The following EMCN variants were observed in gnomAD, a reference collection of about 807,000 sequenced individuals.
The protein encoded by EMCN is MUC-14.
Under a neutral mutation model 38.4 loss-of-function variants are expected in EMCN, and 37 were observed. The ratio of observed to expected loss-of-function variants is 0.96; its 90% CI spans 0.74 to 1.27. The LOEUF (loss-of-function observed/expected upper bound fraction) is 1.27, where lower values mean the gene tolerates loss of function less well. Among genes scored for constraint, EMCN ranks in the 50% most tolerant of loss-of-function variants. The pLI, the probability that EMCN is intolerant of heterozygous loss-of-function variation, is 0.00. For synonymous variants in EMCN, 95 were observed against 100.8 expected, an observed-to-expected ratio of 0.94 and a Z score of 0.35; for missense variants, 318 against 302.8, an observed-to-expected ratio of 1.05 and a Z score of -0.37.
intron 11 of EMCN, among the ~76,000 whole-genome samples, chr4:100,399,987 A>G (rs1234622466): frequency 6.6e-6 from 1 of 152,178 alleles, no homozygotes; most frequent in East Asian, 1.9e-4. Flanking sequence ...TGATGTCATT[A>G]GTGAATGAAG....
chr4:100,463,215 C>T (rs932888962), intron 4 of EMCN, among the ~76,000 whole-genome samples: 2 of 152,108 alleles, frequency 1.3e-5, no homozygotes. Context: ...CTCGCACAAA[C>T]ATTTTAATTT....
chr4:100,429,485 T>C (rs1727140393), intron 5 of EMCN, among the ~76,000 whole-genome samples: 1 of 152,128 alleles, frequency 6.6e-6, no homozygotes, highest in Admixed American at 6.6e-5. Flanking sequence ...ATGATGCAAA[T>C]TAATTCCCGC....
At chr4:100,461,073 C>T (rs1289136818) in intron 4 of EMCN, among the ~76,000 whole-genome samples, 2 of 152,170 alleles carry the variant, frequency 1.3e-5, no homozygotes, top group African/African-American at 4.8e-5. Context: ...GCTCTAATGG[C>T]ATGTGCTATC....
At chr4:100,454,481 G>T (rs1727954185) in intron 4 of EMCN, among the ~76,000 whole-genome samples, 1 of 152,108 alleles carries the variant, frequency 6.6e-6, no homozygotes, top group Non-Finnish European at 1.5e-5. Context: ...GGTCTGTGAT[G>T]AGTTAAATGG....
chr4:100,429,130 C>T (rs1400045683), intron 5 of EMCN, among the ~76,000 whole-genome samples: 1 of 152,026 alleles, frequency 6.6e-6, no homozygotes, highest in Non-Finnish European at 1.5e-5. Flanking sequence ...GAGTTAATAT[C>T]GGACATAAAC....
intron 1 of EMCN, among the ~76,000 whole-genome samples, chr4:100,482,566 A>G (rs1356169680): frequency 6.6e-6 from 1 of 152,132 alleles, no homozygotes; most frequent in Non-Finnish European, 1.5e-5. Context: ...AAGGTATTTC[A>G]GAGTACTGCA....
chr4:100,454,060 T>A lies in EMCN; in HGVS notation c.377-6489A>T, dbSNP rs541596034. ...AGGGGAGAGGGATAGCATTGGGAGA[T>A]ATACCTAATGCTAAATGACGAGTTA... On this transcript the variant is annotated intron_variant, in intron 4 of 11. Coordinates refer to ENST00000296420, the MANE Select transcript of EMCN (RefSeq NM_016242.4). Among the ~76,000 whole-genome samples the A allele has an allele frequency of 6.2e-3, 933 of 150,682 alleles. 12 individuals are homozygous for A. Among genetic ancestry groups the A allele is most frequent in the African/African-American group, 0.021 (860 of 41,046 alleles).
chr4:100,475,138 AT>A, intron 2 of EMCN, 29 bp from the exon 3 acceptor site: 2 of 1,131,184 alleles, frequency 1.8e-6, no homozygotes, highest in Non-Finnish European at 1.3e-6. Context: ...TTAAATTATT[AT>A]TAATCATAAT....
At chr4:100,436,569 C>A (rs1727358311) in intron 5 of EMCN, among the ~76,000 whole-genome samples, 1 of 152,110 alleles carries the variant, frequency 6.6e-6, no homozygotes, top group Non-Finnish European at 1.5e-5. Flanking sequence ...TGCATATGTT[C>A]ATTGCAGCAC....
intron 4 of EMCN, among the ~76,000 whole-genome samples, chr4:100,450,587 C>T (rs1054925927): frequency 6.6e-6 from 1 of 151,860 alleles, no homozygotes; most frequent in Non-Finnish European, 1.5e-5. Flanking sequence ...CAATTCAAAT[C>T]CTCTTCATCC....
intron 1 of EMCN, among the ~76,000 whole-genome samples, chr4:100,502,090 T>G (rs560914222): frequency 6.6e-6 from 1 of 152,334 alleles, no homozygotes; most frequent in East Asian, 1.9e-4. Context: ...CATGGCAGGA[T>G]GCAGTGGGCT....
chr4:100,472,663 T>G (rs945773854), intron 3 of EMCN, among the ~76,000 whole-genome samples: 3 of 152,052 alleles, frequency 2.0e-5, no homozygotes, highest in African/African-American at 4.8e-5. Flanking sequence ...TAAAGTTGAA[T>G]AGCCAAAACA....
At chr4:100,439,480 T>C (rs944644431) in intron 5 of EMCN, among the ~76,000 whole-genome samples, 2 of 151,804 alleles carry the variant, frequency 1.3e-5, no homozygotes, top group African/African-American at 4.8e-5. Context: ...CTGAGGTGTT[T>C]CATTTTTTTC....
intron 10 of EMCN, among the ~76,000 whole-genome samples, chr4:100,413,909 A>G (rs948439042): frequency 6.6e-5 from 10 of 152,242 alleles, no homozygotes; most frequent in African/African-American, 1.9e-4. Context: ...CTAGTCTGCC[A>G]TCGTCTATTC....
chr4:100,473,920 A>G (rs1169918446), intron 3 of EMCN: 3 of 153,120 alleles, frequency 2.0e-5, no homozygotes, highest in Non-Finnish European at 4.4e-5. Flanking sequence ...ACTGGCAACA[A>G]CTAGCTCAGT....
chr4:100,442,763 T>C, intron 5 of EMCN, among the ~76,000 whole-genome samples: 1 of 152,318 alleles, frequency 6.6e-6, no homozygotes, highest in South Asian at 2.1e-4. Context: ...AATTATATAA[T>C]GAATTGTTTT....
chr4:100,427,112 T>A (rs1727068991), intron 5 of EMCN, among the ~76,000 whole-genome samples: 1 of 152,058 alleles, frequency 6.6e-6, no homozygotes, highest in African/African-American at 2.4e-5. Context: ...ATGTCCCATT[T>A]AAAAAAATAA....
intron 5 of EMCN, among the ~76,000 whole-genome samples, chr4:100,431,965 G>A (rs357652): frequency 0.41 from 61,724 of 151,978 alleles, 15,133 homozygotes; most frequent in Non-Finnish European, 0.57. Flanking sequence ...GCTCAGGGCT[G>A]AGATCTCTTA....
At chr4:100,468,616 T>TAGTA (rs1448626687) in intron 3 of EMCN, among the ~76,000 whole-genome samples, 2 of 152,108 alleles carry the variant, frequency 1.3e-5, no homozygotes, top group African/African-American at 4.8e-5. Context: ...TGTAGACTAC[T>TAGTA]AGTACTGTGG....
Sources: allele counts gnomAD v4.1 joint callset (sites outside exome capture counted in the v4.1 genomes callset), GRCh38; gene constraint gnomAD v4.1.1; transcripts MANE v1.5; gene names NCBI Gene and HGNC (gene_info 2026-07-23, HGNC 2026-07-21).